SGPP2: variants seen among roughly 807,000 people sequenced by gnomAD.
SGPP2 encodes the protein sphingosine-1-phosphate phosphatase 2, also known as sphingosine 1-phosphate phosphohydrolase 2.
In SGPP2, 30 loss-of-function variants were observed where a neutral mutation model predicts 33.9. The ratio of observed to expected loss-of-function variants is 0.89; its 90% CI spans 0.66 to 1.20. The LOEUF is 1.20. Among genes scored for constraint, SGPP2 ranks in the 50% most tolerant of loss-of-function variants. The pLI, the probability that SGPP2 is intolerant of heterozygous loss-of-function variation, is 0.00. For missense variants in SGPP2, 458 were observed against 532.1 expected (o/e 0.86, Z 1.37); for synonymous variants, 233 against 225.0 (o/e 1.04, Z -0.32).
At chr2:222,439,753 G>T (rs925833251) in intron 1 of SGPP2, among the ~76,000 whole-genome samples, 3 of 152,162 alleles carry the variant, frequency 2.0e-5, no homozygotes, top group African/African-American at 7.2e-5. Flanking sequence ...AAATTATAAA[G>T]GTGATAAACA....
intron 2 of SGPP2, among the ~76,000 whole-genome samples, chr2:222,494,694 G>A (rs1698249630): frequency 6.6e-6 from 1 of 152,228 alleles, no homozygotes; most frequent in Admixed American, 6.5e-5. Context: ...AGCTAACCAA[G>A]AGCATAAATT....
chr2:222,457,525 A>C (rs766232311), intron 1 of SGPP2, among the ~76,000 whole-genome samples: 18 of 152,334 alleles, frequency 1.2e-4, no homozygotes, highest in Non-Finnish European at 2.6e-4. Flanking sequence ...ATAGGTCAAT[A>C]TATTTAAACA....
rs905045077 is a variant in SGPP2, at chr2:222,517,293, C to T, written c.379-4474C>T. ...ACCCATATAAACCCCAAATCCCAGA[C>T]TCCACAGGCAGAAAAACAGAAGAGC... On this transcript the variant is annotated intron_variant, in intron 2 of 4. Coordinates refer to ENST00000321276, the MANE Select transcript of SGPP2 (RefSeq NM_152386.4). 2.6e-5 allele frequency among the ~76,000 whole-genome samples: 4 copies of T among 152,176 alleles called. No homozygotes were observed. The East Asian group carries it at 7.7e-4, about 29-fold the overall frequency.
chr2:222,525,774 T>G (rs937708983), intron 4 of SGPP2, among the ~76,000 whole-genome samples: 1 of 152,186 alleles, frequency 6.6e-6, no homozygotes, highest in African/African-American at 2.4e-5. Flanking sequence ...CATTGTGTGT[T>G]TATCTCAATT....
At chr2:222,479,735 A>C (rs1698001419) in intron 2 of SGPP2, among the ~76,000 whole-genome samples, 1 of 152,086 alleles carries the variant, frequency 6.6e-6, no homozygotes, top group African/African-American at 2.4e-5. Context: ...ATTTATGCCT[A>C]GTGTTCCATT....
chr2:222,503,947 C>T (rs1430910336), intron 2 of SGPP2: 1 of 151,874 alleles, frequency 6.6e-6, no homozygotes, highest in East Asian at 1.9e-4. Flanking sequence ...ATGGTCATAC[C>T]AAAAAAACAG....
chr2:222,435,598 A>G (rs1310484022), intron 1 of SGPP2, among the ~76,000 whole-genome samples: 1 of 152,226 alleles, frequency 6.6e-6, no homozygotes, highest in East Asian at 1.9e-4. Flanking sequence ...CCTTCATACA[A>G]CAGGAAATTC....
In SGPP2 at chr2:222,455,962, G is replaced by A. The variant is rs149975440; in HGVS notation, c.220-18606G>A. On this transcript the variant is annotated intron_variant, in intron 1 of 4. Transcript: ENST00000321276. ...GGTGTGGTGACATGTGTCTATAGTC[G>A]CAGCAACTTGGGAGGCTAAGGTGGG... 8.3e-3 allele frequency among the ~76,000 whole-genome samples: 1,266 copies of A among 152,056 alleles called. 9 individuals are homozygous for A. The highest frequency in any genetic ancestry group is 0.061 in the Middle Eastern group (18 of 294).
At chr2:222,445,634 G>A (rs1279090814) in intron 1 of SGPP2, among the ~76,000 whole-genome samples, 2 of 152,168 alleles carry the variant, frequency 1.3e-5, no homozygotes, top group Non-Finnish European at 2.9e-5. Context: ...AGTCCCCAGA[G>A]GAGAGGCTCA....
At chr2:222,507,944 G>A (rs113781027) in intron 2 of SGPP2, among the ~76,000 whole-genome samples, 23 of 152,246 alleles carry the variant, frequency 1.5e-4, no homozygotes, top group Middle Eastern at 3.4e-3. Flanking sequence ...CTGTTCATTT[G>A]TTTGAAGGAG....
intron 4 of SGPP2, among the ~76,000 whole-genome samples, chr2:222,538,408 C>T (rs1698945297): frequency 6.6e-6 from 1 of 152,082 alleles, no homozygotes; most frequent in Non-Finnish European, 1.5e-5. Context: ...TAAAGAGACT[C>T]TAAAAATTTT....
intron 4 of SGPP2, among the ~76,000 whole-genome samples, chr2:222,546,670 G>C (rs1329105422): frequency 1.3e-5 from 2 of 152,114 alleles, no homozygotes; most frequent in Non-Finnish European, 2.9e-5. Context: ...CTGCATGAGA[G>C]CACCCATGTC....
intron 1 of SGPP2, among the ~76,000 whole-genome samples, chr2:222,436,230 A>T (rs1478803929): frequency 1.3e-5 from 2 of 152,210 alleles, no homozygotes; most frequent in Non-Finnish European, 2.9e-5. Flanking sequence ...TCCTAGTGGC[A>T]GCGTTCCCCA....
intron 2 of SGPP2, among the ~76,000 whole-genome samples, chr2:222,479,350 T>C (rs966297803): frequency 2.6e-5 from 4 of 152,118 alleles, no homozygotes; most frequent in South Asian, 2.1e-4. Context: ...TGTGCTCTTA[T>C]GGCATTTATT....
At chr2:222,457,447 A>G (rs1697589687) in intron 1 of SGPP2, among the ~76,000 whole-genome samples, 1 of 152,256 alleles carries the variant, frequency 6.6e-6, no homozygotes, top group Non-Finnish European at 1.5e-5. Flanking sequence ...TGTAGAAGGA[A>G]AAAAGCAATC....
chr2:222,462,571 A>G (rs1697679643), intron 1 of SGPP2, among the ~76,000 whole-genome samples: 1 of 152,108 alleles, frequency 6.6e-6, no homozygotes. Flanking sequence ...ATATTTAGGG[A>G]CCTAGAGAAA....
rs761774744 is a variant in SGPP2 at position 222,524,894 on chromosome 2, G to A, written c.559-50G>A. ...ATTCCCACCTATGACATCAAATCAT[G>A]TATGTCTGAGTGTGATCTAATTCCC... On this transcript the variant is annotated intron_variant, in intron 3 of 4. Transcript: ENST00000321276. 11 of 1,397,328 alleles carry A rather than the reference G, an allele frequency of 7.9e-6. No individual in the cohort carries two copies. In the South Asian group the frequency reaches 1.2e-4, roughly 15 times the overall value. 86.6% of individuals were successfully genotyped at this position (1,397,328 alleles called of 1,614,324 possible). A position where few individuals can be genotyped will look rare whatever the true frequency, so the allele number is the denominator to read the frequency against.
chr2:222,434,209 A>G (rs1401047551), intron 1 of SGPP2, among the ~76,000 whole-genome samples: 1 of 152,214 alleles, frequency 6.6e-6, no homozygotes, highest in East Asian at 1.9e-4. Flanking sequence ...CTGGTGAGAT[A>G]CATTCCATAT....
intron 1 of SGPP2, among the ~76,000 whole-genome samples, chr2:222,429,055 G>A (rs1397438170): frequency 6.6e-6 from 1 of 152,066 alleles, no homozygotes; most frequent in Non-Finnish European, 1.5e-5. Context: ...GCCTCCCAAA[G>A]TGCTGGGATT....
Sources: allele counts gnomAD v4.1 joint callset (sites outside exome capture counted in the v4.1 genomes callset), GRCh38; gene constraint gnomAD v4.1.1; transcripts MANE v1.5; gene names NCBI Gene and HGNC (gene_info 2026-07-23, HGNC 2026-07-21).